CLASP1: variants seen among roughly 807,000 people sequenced by gnomAD.
CLASP1 encodes the protein cytoplasmic linker associated protein 1.
A neutral mutation model predicts 192.3 loss-of-function variants in CLASP1; 38 were observed. That is an observed-to-expected ratio of 0.20 (90% CI 0.15 to 0.26). The LOEUF is 0.26. Among genes scored for constraint, CLASP1 ranks in the 10% least tolerant of loss-of-function variants. CLASP1 has a pLI of 1.00. For missense variants in CLASP1, 1,433 were observed against 1,932.5 expected (o/e 0.74, Z 4.85); for synonymous variants, 691 against 712.8 (o/e 0.97, Z 0.49).
chr2:121,549,706 CA>C lies in CLASP1; in HGVS notation c.196-19382del, dbSNP rs57551536. ...TAATTGGACATAAAACAATCCTCTGCAAAAAAAAAAAAAAAAAGGCCTGGCG... is the reference window on the plus strand; with the variant it reads ...TAATTGGACATAAAACAATCCTCTGCAAAAAAAAAAAAAAAAGGCCTGGCG... On this transcript the variant is annotated intron_variant, in intron 2 of 39. Transcript: ENST00000263710. 4.3e-3 allele frequency among the ~76,000 whole-genome samples: 305 copies of C among 70,594 alleles called. 1 individual carries two copies. Among genetic ancestry groups the C allele is most frequent in the African/African-American group, 9.2e-3 (167 of 18,230 alleles). 46.3% of individuals were successfully genotyped at this position (70,594 alleles called of 152,430 possible). A position where few individuals can be genotyped will look rare whatever the true frequency, so the allele number is the denominator to read the frequency against.
At chr2:121,614,816 T>C (rs2066191265) in intron 1 of CLASP1, among the ~76,000 whole-genome samples, 1 of 152,142 alleles carries the variant, frequency 6.6e-6, no homozygotes, top group African/African-American at 2.4e-5. Flanking sequence ...GGACAAGACA[T>C]ACATACACAG....
chr2:121,460,216 A>G, intron 11 of CLASP1, 91 bp from the exon 12 acceptor site: 1 of 1,057,244 alleles, frequency 9.5e-7, no homozygotes, highest in Non-Finnish European at 1.3e-6. Context: ...AAAAGAGATC[A>G]TTGTTAAAGT....
exon 32 of CLASP1, chr2:121,387,175 C>T: frequency 1.9e-6 from 3 of 1,612,802 alleles, no homozygotes; most frequent in Non-Finnish European, 2.5e-6. Flanking sequence ...GGGGGCTGGT[C>T]CTGCTGCTGG....
chr2:121,537,227 A>G (rs780985727), intron 2 of CLASP1, among the ~76,000 whole-genome samples: 4 of 152,132 alleles, frequency 2.6e-5, no homozygotes, highest in African/African-American at 4.8e-5. Flanking sequence ...TCCTGTCTCT[A>G]CAAAAAATAC....
intron 8 of CLASP1, among the ~76,000 whole-genome samples, chr2:121,500,438 A>AGAGGGAAGGAAGGAGGGAAG (rs375234269): frequency 1.2e-3 from 189 of 151,476 alleles, no homozygotes; most frequent in African/African-American, 4.4e-3. Context: ...AGAAAAGAAA[A>AGAGGGAAGGAAGGAGGGAAG]GAGGGAAGGA....
chr2:121,457,317 G>A (rs987022698), intron 14 of CLASP1, among the ~76,000 whole-genome samples: 3 of 152,074 alleles, frequency 2.0e-5, no homozygotes, highest in African/African-American at 7.2e-5. Context: ...TTTCTTGCAT[G>A]CAGTTACTGC....
At chr2:121,446,673 T>C (rs2084408741) in intron 19 of CLASP1, among the ~76,000 whole-genome samples, 1 of 152,122 alleles carries the variant, frequency 6.6e-6, no homozygotes. Context: ...TGCTGAAAAA[T>C]ATGAATAGTC....
In CLASP1 at chr2:121,461,701, C is replaced by G. The variant is rs542516832; in HGVS notation, c.940-508G>C. On this transcript the variant is annotated intron_variant, in intron 10 of 39. Transcript: ENST00000263710. Reference sequence around the variant, plus strand: ...ACCCGAGATTGTTTTTTGTTTAAGACACTGGGAATCACTCTGTCGCCCAGG... The same window carrying G: ...ACCCGAGATTGTTTTTTGTTTAAGAGACTGGGAATCACTCTGTCGCCCAGG... 2.4e-4 allele frequency among the ~76,000 whole-genome samples: 36 copies of G among 152,174 alleles called. 1 individual carries two copies. Among genetic ancestry groups the G allele is most frequent in the Middle Eastern group, 3.4e-3 (1 of 294 alleles).
At chr2:121,525,708 TG>T (rs1211591838) in intron 6 of CLASP1, 136 bp downstream of exon 6, 2 of 624,578 alleles carry the variant, frequency 3.2e-6, no homozygotes, top group Non-Finnish European at 5.8e-6. Context: ...TAAATGCTAA[TG>T]GGTACTGGAT....
chr2:121,536,618 A>G (rs759479688), intron 2 of CLASP1, among the ~76,000 whole-genome samples: 14 of 140,804 alleles, frequency 9.9e-5, no homozygotes, highest in Admixed American at 1.4e-4. Context: ...ATGGAACTTT[A>G]GGCCTTTTCT....
At chr2:121,520,568 T>C (rs541850266) in intron 6 of CLASP1, among the ~76,000 whole-genome samples, 1 of 152,358 alleles carries the variant, frequency 6.6e-6, no homozygotes, top group East Asian at 1.9e-4. Flanking sequence ...GCAATGGTCA[T>C]ATGTTTCAAG....
At chr2:121,365,305 T>TA (rs1558888747) in intron 35 of CLASP1, 21 bp from the exon 37 acceptor site, 2 of 1,603,240 alleles carry the variant, frequency 1.2e-6, no homozygotes, top group Admixed American at 1.7e-5. Context: ...ACACCAGACA[T>TA]ACGTCACCTC....
At chr2:121,462,899 A>G (rs1042514910) in intron 9 of CLASP1, among the ~76,000 whole-genome samples, 1 of 152,198 alleles carries the variant, frequency 6.6e-6, no homozygotes, top group South Asian at 2.1e-4. Flanking sequence ...GTATTAACAT[A>G]CAAGTCCTTT....
intron 23 of CLASP1, among the ~76,000 whole-genome samples, chr2:121,414,917 A>G (rs1261184202): frequency 6.6e-6 from 1 of 151,918 alleles, no homozygotes; most frequent in Admixed American, 6.6e-5. Flanking sequence ...CCCAAGTAGC[A>G]GGGACTACAG....
intron 3 of CLASP1, among the ~76,000 whole-genome samples, chr2:121,529,900 T>TA (rs1187949881): frequency 2.0e-5 from 3 of 152,026 alleles, no homozygotes; most frequent in African/African-American, 7.3e-5. Context: ...GCATAAGAAA[T>TA]AAAAATGGCA....
At chr2:121,647,182 A>G (rs2073335788) in intron 1 of CLASP1, among the ~76,000 whole-genome samples, 1 of 152,146 alleles carries the variant, frequency 6.6e-6, no homozygotes, top group Non-Finnish European at 1.5e-5. Flanking sequence ...AGCCTGGCCA[A>G]CATAGTGAAA....
At chr2:121,520,200 G>A (rs1397789737) in intron 6 of CLASP1, among the ~76,000 whole-genome samples, 3 of 152,314 alleles carry the variant, frequency 2.0e-5, no homozygotes, top group Admixed American at 6.5e-5. Flanking sequence ...CTCTCTGGGG[G>A]CAAGTCAACA....
Position 121,384,493 on chromosome 2 carries a change from T to TG in CLASP1, c.3375-2170dup, listed in dbSNP as rs2072731809. Among the ~76,000 whole-genome samples the TG allele has an allele frequency of 2.6e-5, 4 of 152,282 alleles. No individual in the cohort carries two copies. The South Asian group carries it at 8.3e-4, about 32-fold the overall frequency. On this transcript the variant is annotated intron_variant, in intron 32 of 39. Coordinates refer to ENST00000263710, the Ensembl canonical transcript of CLASP1. ...ATCAGTCACGGTGTCCAGCCACTAG[T>TG]GATATTTTTAAACAATTATCAGATT...
At chr2:121,626,711 C>T (rs2068444444) in intron 1 of CLASP1, among the ~76,000 whole-genome samples, 1 of 152,130 alleles carries the variant, frequency 6.6e-6, no homozygotes, top group South Asian at 2.1e-4. Flanking sequence ...AGATGTGAGC[C>T]ACCGCACCTG....
Sources: allele counts gnomAD v4.1 joint callset (sites outside exome capture counted in the v4.1 genomes callset), GRCh38; gene constraint gnomAD v4.1.1; transcripts MANE v1.5; gene names NCBI Gene and HGNC (gene_info 2026-07-23, HGNC 2026-07-21).